Variants in SGSM2 observed in about 807,000 individuals in gnomAD.
The protein encoded by SGSM2 is RUN and TBC1 domain containing 1.
A neutral mutation model predicts 126.6 loss-of-function variants in SGSM2; 89 were observed. The ratio of observed to expected loss-of-function variants is 0.70; its 90% CI spans 0.59 to 0.84. The LOEUF (loss-of-function observed/expected upper bound fraction) is 0.84, where lower values mean the gene tolerates loss of function less well. Ranked by LOEUF, SGSM2 falls within the 40% of genes least tolerant of loss-of-function variation. The probability of loss-of-function intolerance (pLI) is 0.00; values close to 1 mark genes in which losing one functional copy is unlikely to be tolerated. For missense variants in SGSM2, 1,404 were observed against 1,416.6 expected, an observed-to-expected ratio of 0.99 and a Z score of 0.14; for synonymous variants, 614 against 574.3, an observed-to-expected ratio of 1.07 and a Z score of -0.99.
intron 12 of SGSM2, among the ~76,000 whole-genome samples, chr17:2,369,190 C>T (rs1227152239): frequency 1.3e-5 from 2 of 152,212 alleles, no homozygotes; most frequent in Admixed American, 1.3e-4. Context: ...TCCATAATGA[C>T]AACACTGTTG....
At chr17:2,340,062 G>A (rs974503220) in intron 1 of SGSM2, among the ~76,000 whole-genome samples, 1 of 152,168 alleles carries the variant, frequency 6.6e-6, no homozygotes, top group African/African-American at 2.4e-5. Flanking sequence ...AGGTGGATAT[G>A]CTGGGATTAT....
rs2066351180 is a variant in SGSM2 at position 2,380,163 on chromosome 17, G to A, written c.*643G>A. 1 of 1,480,826 alleles carries A rather than the reference G, an allele frequency of 6.8e-7. No homozygotes were observed. The highest frequency in any genetic ancestry group is 9.0e-7 in the Non-Finnish European group (1 of 1,115,950). The allele number at this position is 1,480,826 out of a possible 1,614,324, so 91.7% of individuals were successfully genotyped here. A position where few individuals can be genotyped will look rare whatever the true frequency, so the allele number is the denominator to read the frequency against. On this transcript the variant is annotated 3_prime_UTR_variant, in exon 24 of 24. Transcript: ENST00000268989. ...TTCAGCAGCACTGCCACTGCCTTTGGCCACCTGAGGTGACCCCCAGGCCTC... is the reference window on the plus strand; with the variant it reads ...TTCAGCAGCACTGCCACTGCCTTTGACCACCTGAGGTGACCCCCAGGCCTC...
chr17:2,340,218 G>A (rs908822172), intron 1 of SGSM2, among the ~76,000 whole-genome samples: 2 of 151,672 alleles, frequency 1.3e-5, no homozygotes, highest in African/African-American at 2.4e-5. Flanking sequence ...GGGTTCAAGC[G>A]ATTTCCCTGC....
intron 2 of SGSM2, among the ~76,000 whole-genome samples, chr17:2,352,441 A>G (rs958339570): frequency 5.3e-5 from 8 of 152,198 alleles, no homozygotes; most frequent in African/African-American, 1.9e-4. Context: ...CAAAAGGTGA[A>G]ACCGGGCCGG....
rs1382972918 is a variant in SGSM2 at position 2,380,465 on chromosome 17, G to A, written c.*945G>A. On this transcript the variant is annotated 3_prime_UTR_variant, in exon 24 of 24. Transcript: ENST00000268989. ...ACATCTGCCATGTCCCTGAGACTGCGGGAGGCAGGGGATGCATGGGTGTCC... is the reference window on the plus strand; with the variant it reads ...ACATCTGCCATGTCCCTGAGACTGCAGGAGGCAGGGGATGCATGGGTGTCC... The A allele has an allele frequency of 1.6e-5, 11 of 691,780 alleles. No individual in the cohort carries two copies. The highest frequency in any genetic ancestry group is 6.9e-5 in the South Asian group (4 of 57,806). The allele number at this position is 691,780 out of a possible 1,614,324, so 42.9% of individuals were successfully genotyped here.
At chr17:2,365,743 CTTTT>C (rs946989393) in intron 11 of SGSM2, among the ~76,000 whole-genome samples, 5 of 129,522 alleles carry the variant, frequency 3.9e-5, no homozygotes, top group Admixed American at 1.6e-4. Flanking sequence ...ACCAGCGCTA[CTTTT>C]TTTTTTTTTT....
intron 19 of SGSM2, 133 bp downstream of exon 19, chr17:2,376,394 G>T: frequency 8.4e-7 from 1 of 1,190,194 alleles, no homozygotes; most frequent in African/African-American, 1.5e-5. Context: ...TGCCTGGAAC[G>T]CTTTTTTCCT....
intron 19 of SGSM2, 33 bp from the exon 20 acceptor site, chr17:2,376,700 C>G: frequency 6.2e-7 from 1 of 1,606,584 alleles, no homozygotes; most frequent in Non-Finnish European, 8.5e-7. Context: ...AAGAATGGGG[C>G]ACAGCCACAG....
rs558966137 is a variant in SGSM2, at chr17:2,340,864, G to A, written c.58-2681G>A. Among the ~76,000 whole-genome samples the A allele has an allele frequency of 9.2e-5, 14 of 152,298 alleles. No individual in the cohort carries two copies. In the South Asian group the frequency reaches 2.1e-3, roughly 23 times the overall value. On this transcript the variant is annotated intron_variant, in intron 1 of 23. Transcript: ENST00000268989. ...CTCCCAAAGTGCTGGGATTATAGTC[G>A]TGAGCCACCACGCCTGGCCCAGTGT...
Position 2,372,649 on chromosome 17 carries a change from C to A in SGSM2, c.1788+161C>A. On this transcript the variant is annotated intron_variant, in intron 15 of 23. Transcript: ENST00000268989. This position sits in a 1 kb window ranked among gnomAD's most constrained non-coding sequence, Gnocchi z 6.0. ...GAATCTCTTGCAGCTGGGCCTGGGG[C>A]TGACACGGGAAGGGGGCTGGACTGG... The A allele has an allele frequency of 9.4e-7, 1 of 1,066,158 alleles. No individual in the cohort carries two copies. The highest frequency in any genetic ancestry group is 1.4e-6 in the Non-Finnish European group (1 of 733,468). 66.0% of individuals were successfully genotyped at this position (1,066,158 alleles called of 1,614,324 possible).
chr17:2,362,911 C>G lies in SGSM2; in HGVS notation c.526+6C>G. On this transcript the variant is annotated splice_donor_region_variant and intron_variant, in intron 5 of 23. Coordinates refer to ENST00000268989, the MANE Select transcript of SGSM2 (RefSeq NM_014853.3). The surrounding 1 kb of genome is among the most constrained non-coding windows in gnomAD (Gnocchi z 4.9). ...GATCCTGGCCTCTCTTCTAGGTGAGCCTGAGAGCACAGGCACAGTGGGTAC... is the reference window on the plus strand; with the variant it reads ...GATCCTGGCCTCTCTTCTAGGTGAGGCTGAGAGCACAGGCACAGTGGGTAC... The G allele has an allele frequency of 6.2e-7, 1 of 1,614,192 alleles. No homozygotes were observed. The highest frequency in any genetic ancestry group is 8.5e-7 in the Non-Finnish European group (1 of 1,180,038).
chr17:2,380,036 G>A lies in SGSM2; in HGVS notation c.*516G>A. 7.1e-7 allele frequency: 1 copy of A among 1,407,968 alleles called. No individual in the cohort carries two copies. The highest frequency in any genetic ancestry group is 9.2e-7 in the Non-Finnish European group (1 of 1,085,322). 87.2% of individuals were successfully genotyped at this position (1,407,968 alleles called of 1,614,324 possible). A position where few individuals can be genotyped will look rare whatever the true frequency, so the allele number is the denominator to read the frequency against. ...CTTCTGGTTTAGGCACACGTCACGG[G>A]TGCGGGAGACCCGGGCACGGGAGAC... On this transcript the variant is annotated 3_prime_UTR_variant, in exon 24 of 24. Transcript: ENST00000268989.
Position 2,376,990 on chromosome 17 carries a change from C to G in SGSM2, c.2724C>G (p.Leu908=). 2.5e-6 allele frequency: 4 copies of G among 1,613,888 alleles called. No individual in the cohort carries two copies. The highest frequency in any genetic ancestry group is 3.4e-6 in the Non-Finnish European group (4 of 1,179,936). The part of the protein sequence containing the change: ...DQLAYSCFSH[L]MKRMSQNFPN... ...TGGCCTACAGCTGCTTCAGCCACCTCATGAAGAGGATGAGCCAGAACTTCC... is the reference window on the plus strand; with the variant it reads ...TGGCCTACAGCTGCTTCAGCCACCTGATGAAGAGGATGAGCCAGAACTTCC... The change falls in exon 21 of 24, where the codon CTC becomes CTG. Residue 908 remains leucine, a synonymous_variant. Transcript: ENST00000268989.
intron 1 of SGSM2, among the ~76,000 whole-genome samples, chr17:2,341,465 T>C (rs761482462): frequency 6.6e-6 from 1 of 152,208 alleles, no homozygotes; most frequent in Non-Finnish European, 1.5e-5. Flanking sequence ...ATTAGCAGTT[T>C]CCGGCAGGGA....
At chr17:2,376,033 G>T in intron 18 of SGSM2, 104 bp from the exon 19 acceptor site, 1 of 1,570,868 alleles carries the variant, frequency 6.4e-7, no homozygotes, top group South Asian at 1.2e-5. Context: ...GACTCGCTCT[G>T]GTCTCTGGGT....
chr17:2,363,220 A>G lies in SGSM2; in HGVS notation c.672+86A>G. On this transcript the variant is annotated intron_variant, in intron 6 of 23. Transcript: ENST00000268989. This position sits in a 1 kb window ranked among gnomAD's most constrained non-coding sequence, Gnocchi z 4.2. ...CGGGAAACCGGCCTCTCTACGGGAC[A>G]GGCCTTGGAGATGCCCCAAGGTAGC... 1 of 1,460,118 alleles carries G rather than the reference A, an allele frequency of 6.8e-7. No homozygotes were observed. The highest frequency in any genetic ancestry group is 9.1e-7 in the Non-Finnish European group (1 of 1,100,454). The allele number at this position is 1,460,118 out of a possible 1,614,324, so 90.4% of individuals were successfully genotyped here.
rs1395527984 is a variant in SGSM2, at chr17:2,372,517, G to C, written c.1788+29G>C. 1 of 1,589,732 alleles carries C rather than the reference G, an allele frequency of 6.3e-7. No homozygotes were observed. The highest frequency in any genetic ancestry group is 2.3e-5 in the East Asian group (1 of 44,292). On this transcript the variant is annotated intron_variant, in intron 15 of 23. Coordinates refer to ENST00000268989, the MANE Select transcript of SGSM2 (RefSeq NM_014853.3). This position sits in a 1 kb window ranked among gnomAD's most constrained non-coding sequence, Gnocchi z 6.0. ...CCAACCCTGGGGTTCCAGGGCCACA[G>C]GTCGAGGGGCTGGGGCGGGCAGGAG...
rs2065861663 is a variant in SGSM2, at chr17:2,371,333, A to T, written c.1495A>T (p.Ser499Cys). Reference sequence around the variant, plus strand: ...AGCCTGGCACCTGGAGCCCCTGTGCAGTCAGGGCTCCTCCTGCCTCTCCTG... The same window carrying T: ...AGCCTGGCACCTGGAGCCCCTGTGCTGTCAGGGCTCCTCCTGCCTCTCCTG... Reference protein sequence around the residue: ...LPAWHLEPLCSQGSSCLSCSS... With the variant: ...LPAWHLEPLCCQGSSCLSCSS... The change falls in exon 13 of 24, where the codon AGT (serine) becomes TGT (cysteine). Residue 499 changes from serine (S) to cysteine (C), a missense_variant. Coordinates refer to ENST00000268989, the MANE Select transcript of SGSM2 (RefSeq NM_014853.3). The T allele has an allele frequency of 6.2e-7, 1 of 1,612,300 alleles. No individual in the cohort carries two copies. The highest frequency in any genetic ancestry group is 2.2e-5 in the East Asian group (1 of 44,864).
chr17:2,349,869 G>C (rs1359312373), intron 2 of SGSM2, among the ~76,000 whole-genome samples: 3 of 151,246 alleles, frequency 2.0e-5, no homozygotes, highest in African/African-American at 7.3e-5. Flanking sequence ...CTCACTGCAA[G>C]CTCCGCCTCC....
Sources: gnomAD v4.1 joint callset for allele counts (sites outside exome capture counted in the v4.1 genomes callset) on GRCh38, gnomAD v4.1.1 for gene constraint, Gnocchi (gnomAD v3.1) non-coding constraint, MANE v1.5 for transcripts, NCBI Gene and HGNC (gene_info 2026-07-23, HGNC 2026-07-21) for gene names.